The following DISC1 variants were observed in gnomAD, a reference collection of about 807,000 sequenced individuals.
DISC1 encodes disrupted in schizophrenia 1 protein.
Under a neutral mutation model 84.5 loss-of-function variants are expected in DISC1, and 57 were observed. The observed-to-expected ratio is 0.67, with a 90% confidence interval of 0.55 to 0.84. DISC1 has a LOEUF of 0.84. Among genes scored for constraint, DISC1 ranks in the 40% least tolerant of loss-of-function variants. DISC1 has a pLI of 0.00. For synonymous variants in DISC1, 411 were observed against 415.2 expected, an observed-to-expected ratio of 0.99 and a Z score of 0.12; for missense variants, 1,000 against 1,057.8, an observed-to-expected ratio of 0.95 and a Z score of 0.76.
intron 9 of DISC1, among the ~76,000 whole-genome samples, chr1:231,956,753 G>T (rs1441421135): frequency 6.6e-6 from 1 of 152,182 alleles, no homozygotes; most frequent in Non-Finnish European, 1.5e-5. Flanking sequence ...GGGTCCCTCA[G>T]ACTCAGAGGC....
chr1:231,927,138 C>A (rs2090399949), intron 9 of DISC1, among the ~76,000 whole-genome samples: 1 of 152,202 alleles, frequency 6.6e-6, no homozygotes, highest in Non-Finnish European at 1.5e-5. Flanking sequence ...AAAGGCGAAT[C>A]CCTTTTTCTT....
chr1:231,772,305 G>A (rs759274604), intron 6 of DISC1, among the ~76,000 whole-genome samples: 2 of 152,098 alleles, frequency 1.3e-5, no homozygotes, highest in African/African-American at 2.4e-5. Context: ...CATACAGAAC[G>A]CACACTTACA....
chr1:232,033,008 C>CT (rs1268438092), intron 12 of DISC1, among the ~76,000 whole-genome samples: 8 of 151,898 alleles, frequency 5.3e-5, no homozygotes, highest in Non-Finnish European at 7.4e-5. Context: ...TTGTAAAACA[C>CT]TTTTTTTTAA....
At chr1:231,730,990 A>G (rs1247226824) in intron 3 of DISC1, among the ~76,000 whole-genome samples, 1 of 152,262 alleles carries the variant, frequency 6.6e-6, no homozygotes, top group Non-Finnish European at 1.5e-5. Context: ...AATGGCTAAA[A>G]AAAAAAAATC....
chr1:231,999,683 A>C (rs1485945393), intron 10 of DISC1, among the ~76,000 whole-genome samples: 2 of 152,164 alleles, frequency 1.3e-5, no homozygotes, highest in East Asian at 1.9e-4. Context: ...AGAGTCTGAG[A>C]CTTTACACCC....
intron 3 of DISC1, among the ~76,000 whole-genome samples, chr1:231,711,534 T>G (rs1369885757): frequency 1.3e-5 from 2 of 151,652 alleles, no homozygotes; most frequent in Non-Finnish European, 2.9e-5. Flanking sequence ...TAATTTTTTT[T>G]TTTTTTGGTA....
intron 7 of DISC1, among the ~76,000 whole-genome samples, chr1:231,798,401 A>G (rs148653324): frequency 2.7e-4 from 41 of 152,316 alleles, no homozygotes; most frequent in African/African-American, 8.7e-4. Flanking sequence ...TAATATTGAC[A>G]GCTTGAAAGA....
chr1:231,881,495 G>A (rs1038577669), intron 9 of DISC1, among the ~76,000 whole-genome samples: 1 of 152,008 alleles, frequency 6.6e-6, no homozygotes, highest in Non-Finnish European at 1.5e-5. Flanking sequence ...TTGGATTAGG[G>A]CCCACTCTAA....
intron 9 of DISC1, among the ~76,000 whole-genome samples, chr1:231,845,444 C>T (rs1042118012): frequency 6.6e-6 from 1 of 152,206 alleles, no homozygotes; most frequent in South Asian, 2.1e-4. Flanking sequence ...GCTGTGGTGC[C>T]TTGAAGGTGG....
intron 9 of DISC1, among the ~76,000 whole-genome samples, chr1:231,861,830 A>G (rs1444347666): frequency 6.6e-6 from 1 of 152,150 alleles, no homozygotes; most frequent in Non-Finnish European, 1.5e-5. Flanking sequence ...ATAGTAGATT[A>G]CTTTCCCATT....
intron 11 of DISC1, among the ~76,000 whole-genome samples, chr1:232,025,690 G>A (rs939260373): frequency 1.3e-5 from 2 of 151,234 alleles, no homozygotes; most frequent in Non-Finnish European, 2.9e-5. Context: ...TCCGCCTCCT[G>A]GGTTCACGCC....
chr1:231,949,577 G>T (rs1458815166), intron 9 of DISC1, among the ~76,000 whole-genome samples: 1 of 152,166 alleles, frequency 6.6e-6, no homozygotes, highest in Non-Finnish European at 1.5e-5. Flanking sequence ...TGGGAACTTT[G>T]TAAGACAGTT....
intron 11 of DISC1, among the ~76,000 whole-genome samples, chr1:232,021,413 A>G (rs547478167): frequency 3.9e-5 from 6 of 152,246 alleles, no homozygotes; most frequent in Admixed American, 3.9e-4. Context: ...AATAACTTAC[A>G]CATTGAACTA....
chr1:231,647,967 G>A (rs867862714), intron 1 of DISC1, among the ~76,000 whole-genome samples: 3 of 152,296 alleles, frequency 2.0e-5, no homozygotes, highest in African/African-American at 7.2e-5. Flanking sequence ...GGGCTGAGAT[G>A]ATGGGGTTTT....
At chr1:231,926,325 G>C (rs28432143) in intron 9 of DISC1, among the ~76,000 whole-genome samples, 29,738 of 151,996 alleles carry the variant, frequency 0.2, 3,625 homozygotes, top group East Asian at 0.66. Context: ...GTGGGTTTAC[G>C]TAAAAAAAAC....
intron 12 of DISC1, among the ~76,000 whole-genome samples, chr1:232,032,834 T>C (rs1390762559): frequency 4.6e-5 from 7 of 152,206 alleles, no homozygotes; most frequent in Non-Finnish European, 1.0e-4. Context: ...TTTCAGCTCT[T>C]TGACAACAAT....
chr1:231,831,872 A>G (rs994864094), intron 9 of DISC1, among the ~76,000 whole-genome samples: 10 of 152,018 alleles, frequency 6.6e-5, no homozygotes, highest in African/African-American at 2.4e-4. Flanking sequence ...GCAGAGTGGT[A>G]GCCTTGATGA....
At chr1:231,697,790 C>CGCTTCTA (rs1211435182) in intron 2 of DISC1, among the ~76,000 whole-genome samples, 1 of 152,022 alleles carries the variant, frequency 6.6e-6, no homozygotes, top group Non-Finnish European at 1.5e-5. Flanking sequence ...ATTTGGGTCA[C>CGCTTCTA]CTGATGTACA....
intron 12 of DISC1, among the ~76,000 whole-genome samples, chr1:232,033,284 A>T (rs1341697288): frequency 6.6e-6 from 1 of 152,174 alleles, no homozygotes; most frequent in Non-Finnish European, 1.5e-5. Context: ...CACCATATAT[A>T]TGCTCTTGGT....
Sources: gnomAD v4.1 joint callset for allele counts (sites outside exome capture counted in the v4.1 genomes callset) on GRCh38, gnomAD v4.1.1 for gene constraint, MANE v1.5 for transcripts, NCBI Gene and HGNC (gene_info 2026-07-23, HGNC 2026-07-21) for gene names.